MLLT1: variants seen among roughly 807,000 people sequenced by gnomAD.
MLLT1 encodes the protein protein ENL.
A neutral mutation model predicts 55.1 loss-of-function variants in MLLT1; 11 were observed. The ratio of observed to expected loss-of-function variants is 0.20; its 90% CI spans 0.13 to 0.33. The LOEUF is 0.33. Among genes scored for constraint, MLLT1 ranks in the 10% least tolerant of loss-of-function variants. The probability of loss-of-function intolerance (pLI) is 1.00; values close to 1 mark genes in which losing one functional copy is unlikely to be tolerated. For synonymous variants in MLLT1, 323 were observed against 320.1 expected, an observed-to-expected ratio of 1.01 and a Z score of -0.10; for missense variants, 536 against 760.6, an observed-to-expected ratio of 0.70 and a Z score of 3.47.
chr19:6,212,268 C>T lies in MLLT1; in HGVS notation c.*774G>A, dbSNP rs549158045. 118 of 1,065,414 alleles carry T rather than the reference C, an allele frequency of 1.1e-4. No homozygotes were observed. Among genetic ancestry groups the T allele is most frequent in the Admixed American group, 1.6e-4 (3 of 18,726 alleles). 66.0% of individuals were successfully genotyped at this position (1,065,414 alleles called of 1,614,324 possible). A position where few individuals can be genotyped will look rare whatever the true frequency, so the allele number is the denominator to read the frequency against. On this transcript the variant is annotated 3_prime_UTR_variant, in exon 12 of 12. Transcript: ENST00000252674. ...TGTTGGCTGACCCCCCCGGGAGCCCCGGTAGGAGGCGGCGGCATCCTTGGA... is the reference window on the plus strand; with the variant it reads ...TGTTGGCTGACCCCCCCGGGAGCCCTGGTAGGAGGCGGCGGCATCCTTGGA...
At chr19:6,266,544 C>T (rs755323395) in intron 2 of MLLT1, among the ~76,000 whole-genome samples, 2 of 152,164 alleles carry the variant, frequency 1.3e-5, no homozygotes, top group African/African-American at 2.4e-5. Flanking sequence ...GCAACCTCTG[C>T]CTCCCAGGTT....
rs1282945179 is a variant in MLLT1 at position 6,212,153 on chromosome 19, G to C, written c.*889C>G. On this transcript the variant is annotated 3_prime_UTR_variant, in exon 12 of 12. Coordinates refer to ENST00000252674, the MANE Select transcript of MLLT1 (RefSeq NM_005934.4). ...GCCCCAGGGCGGCTGATGCGAGTCT[G>C]TCCGCGGAGACTGTTGGCGCTAGTC... 10 of 1,066,440 alleles carry C rather than the reference G, an allele frequency of 9.4e-6. No homozygotes were observed. The Admixed American group carries it at 3.2e-4, about 34-fold the overall frequency. The allele number at this position is 1,066,440 out of a possible 1,614,324, so 66.1% of individuals were successfully genotyped here.
Position 6,231,518 on chromosome 19 carries a change from A to AT in MLLT1, c.277-806dup, listed in dbSNP as rs960172823. On this transcript the variant is annotated intron_variant, in intron 3 of 11. Transcript: ENST00000252674. This position sits in a 1 kb window ranked among gnomAD's most constrained non-coding sequence, Gnocchi z 5.1. ...GAACCTTGAAATTTCGAAGCAAGAC[A>AT]TTTTTTTTTTTGAGATGGAGTCTTG... 2.6e-3 allele frequency among the ~76,000 whole-genome samples: 375 copies of AT among 146,846 alleles called. 3 individuals are homozygous for AT. The highest frequency in any genetic ancestry group is 8.2e-3 in the African/African-American group (330 of 40,206).
rs553339296 is a variant in MLLT1, at chr19:6,227,762, G to C, written c.421-660C>G. ...CGCTCCATCAGAGGCTACGGATGAC[G>C]AAAGTTCTGGGGTCCTTCCAGGAGG... On this transcript the variant is annotated intron_variant, in intron 4 of 11. Coordinates refer to ENST00000252674, the MANE Select transcript of MLLT1 (RefSeq NM_005934.4). This position sits in a 1 kb window ranked among gnomAD's most constrained non-coding sequence, Gnocchi z 5.1. Among the ~76,000 whole-genome samples the C allele has an allele frequency of 6.6e-6, 1 of 152,302 alleles. No homozygotes were observed. The highest frequency in any genetic ancestry group is 2.4e-5 in the African/African-American group (1 of 41,564).
In MLLT1 at chr19:6,247,104, G is replaced by C. The variant is rs111544051; in HGVS notation, c.276+15124C>G. Among the ~76,000 whole-genome samples, 402 of 152,304 alleles carry C rather than the reference G, an allele frequency of 2.6e-3. 1 individual carries two copies. Among genetic ancestry groups the C allele is most frequent in the African/African-American group, 9.2e-3 (383 of 41,552 alleles). ...GGGGAAGGCGTGAATGAGCCCGCTGGTGCTGGATGGAGTTGGCAGCCTCAG... is the reference window on the plus strand; with the variant it reads ...GGGGAAGGCGTGAATGAGCCCGCTGCTGCTGGATGGAGTTGGCAGCCTCAG... On this transcript the variant is annotated intron_variant, in intron 3 of 11. Transcript: ENST00000252674.
rs1384443646 is a variant in MLLT1, at chr19:6,273,784, T to C, written c.13-3025A>G. ...GGAGCTGACTCCCACACAATGACAG[T>C]GTCTCCTCGGAATCGCTTATTCACT... On this transcript the variant is annotated intron_variant, in intron 1 of 11. Coordinates refer to ENST00000252674, the MANE Select transcript of MLLT1 (RefSeq NM_005934.4). The surrounding 1 kb of genome is among the most constrained non-coding windows in gnomAD (Gnocchi z 4.3). Among the ~76,000 whole-genome samples, 2 of 152,206 alleles carry C rather than the reference T, an allele frequency of 1.3e-5. No homozygotes were observed. The highest frequency in any genetic ancestry group is 2.9e-5 in the Non-Finnish European group (2 of 68,030).
chr19:6,251,173 G>A (rs894722399), intron 3 of MLLT1, among the ~76,000 whole-genome samples: 9 of 152,094 alleles, frequency 5.9e-5, no homozygotes, highest in African/African-American at 1.4e-4. Context: ...AGAAGGAGAC[G>A]GCAGTAGTAC....
Position 6,240,149 on chromosome 19 carries a change from G to A in MLLT1, c.277-9436C>T, listed in dbSNP as rs1287114751. 6.6e-6 allele frequency among the ~76,000 whole-genome samples: 1 copy of A among 152,130 alleles called. No homozygotes were observed. The highest frequency in any genetic ancestry group is 1.9e-4 in the East Asian group (1 of 5,180). On this transcript the variant is annotated intron_variant, in intron 3 of 11. Coordinates refer to ENST00000252674, the MANE Select transcript of MLLT1 (RefSeq NM_005934.4). This position sits in a 1 kb window ranked among gnomAD's most constrained non-coding sequence, Gnocchi z 4.7. ...TGCCTCTGGCTGGGAGGACAGTGTG[G>A]GCAGCATTAGCCCAGGCCCCTTCAC...
Position 6,222,637 on chromosome 19 carries a change from G to A in MLLT1, c.594C>T (p.Thr198=). 1 of 1,583,488 alleles carries A rather than the reference G, an allele frequency of 6.3e-7. No individual in the cohort carries two copies. ...SSKTSKPHKV[T]KEHRERPRKD... ...TGCGGGGCCGCTCCCGGTGCTCCTT[G>A]GTCACCTTGTGTGGCTTGGAGGTCT... Residue 198 remains threonine (T), a synonymous_variant, in exon 6 of 12, where the codon ACC becomes ACT. Coordinates refer to ENST00000252674, the MANE Select transcript of MLLT1 (RefSeq NM_005934.4). This position sits in a 1 kb window ranked among gnomAD's most constrained non-coding sequence, Gnocchi z 4.1.
rs2091056571 is a variant in MLLT1, at chr19:6,235,904, C to T, written c.277-5191G>A. Among the ~76,000 whole-genome samples, 1 of 152,138 alleles carries T rather than the reference C, an allele frequency of 6.6e-6. No homozygotes were observed. Among genetic ancestry groups the T allele is most frequent in the Non-Finnish European group, 1.5e-5 (1 of 68,016 alleles). ...CACCCGCCCTTATCCCGGCCTGCTG[C>T]TGTCCCCAGGCACAGAGCACAGCTC... On this transcript the variant is annotated intron_variant, in intron 3 of 11. Transcript: ENST00000252674. This position sits in a 1 kb window ranked among gnomAD's most constrained non-coding sequence, Gnocchi z 5.5.
At chr19:6,225,153 C>T (rs980158697) in intron 5 of MLLT1, among the ~76,000 whole-genome samples, 2 of 152,360 alleles carry the variant, frequency 1.3e-5, no homozygotes, top group African/African-American at 2.4e-5. Context: ...GTGAGAGGGT[C>T]CTGCCCCCTC....
At chr19:6,259,497 C>T (rs535286241) in intron 3 of MLLT1, 3 of 152,300 alleles carry the variant, frequency 2.0e-5, no homozygotes, top group African/African-American at 4.8e-5. Context: ...CCAAGTGACT[C>T]GGGATCCAGG....
At chr19:6,254,586 A>C (rs750377660) in intron 3 of MLLT1, among the ~76,000 whole-genome samples, 1 of 152,002 alleles carries the variant, frequency 6.6e-6, no homozygotes, top group Non-Finnish European at 1.5e-5. Context: ...CAACTGCAGG[A>C]CCCCCAAGTG....
rs972577483 is a variant in MLLT1, at chr19:6,241,791, G to A, written c.277-11078C>T. 6.6e-5 allele frequency among the ~76,000 whole-genome samples: 10 copies of A among 152,354 alleles called. 1 individual carries two copies. Among genetic ancestry groups the A allele is most frequent in the African/African-American group, 2.2e-4 (9 of 41,596 alleles). Reference sequence around the variant, plus strand: ...GGGAAAGACAGACTGCGCCACAGCTGGCACGCATCCATGCGGCTTGTCACA... The same window carrying A: ...GGGAAAGACAGACTGCGCCACAGCTAGCACGCATCCATGCGGCTTGTCACA... On this transcript the variant is annotated intron_variant, in intron 3 of 11. Coordinates refer to ENST00000252674, the MANE Select transcript of MLLT1 (RefSeq NM_005934.4).
At position 6,262,194 on chromosome 19, in the gene MLLT1, G is replaced by C. The variant is rs948299956; in HGVS notation, c.276+34C>G. On this transcript the variant is annotated intron_variant, in intron 3 of 11. Transcript: ENST00000252674. This position sits in a 1 kb window ranked among gnomAD's most constrained non-coding sequence, Gnocchi z 4.4. ...CACCCGGAGCAGGGGTCCCCACAGA[G>C]AGGCATCCTGCTTGCTCCCCTCAGG... 6.3e-7 allele frequency: 1 copy of C among 1,577,730 alleles called. No homozygotes were observed. Among genetic ancestry groups the C allele is most frequent in the African/African-American group, 1.3e-5 (1 of 74,154 alleles).
chr19:6,254,016 C>T (rs1261617027), intron 3 of MLLT1, among the ~76,000 whole-genome samples: 8 of 152,166 alleles, frequency 5.3e-5, no homozygotes, highest in Admixed American at 4.6e-4. Flanking sequence ...AGCATCTTTT[C>T]GTTCGTTCAT....
chr19:6,251,778 AAAAAG>A (rs1348644961), intron 3 of MLLT1, among the ~76,000 whole-genome samples: 7 of 151,418 alleles, frequency 4.6e-5, no homozygotes, highest in African/African-American at 1.7e-4. Flanking sequence ...CCAAAAAAAA[AAAAAG>A]AAAGAAAGAA....
intron 1 of MLLT1, among the ~76,000 whole-genome samples, chr19:6,278,330 C>T (rs146183837): frequency 1.1e-4 from 16 of 152,238 alleles, no homozygotes; most frequent in Admixed American, 5.9e-4. Context: ...GAAGAGGCAG[C>T]GCAGAGTTGG....
At chr19:6,272,758 C>CT (rs1275813748) in intron 1 of MLLT1, among the ~76,000 whole-genome samples, 2 of 152,204 alleles carry the variant, frequency 1.3e-5, no homozygotes, top group African/African-American at 2.4e-5. Flanking sequence ...CTAAATGCTG[C>CT]TTTTGGAGAC....
Sources: gnomAD v4.1 joint callset for allele counts (sites outside exome capture counted in the v4.1 genomes callset) on GRCh38, gnomAD v4.1.1 for gene constraint, Gnocchi (gnomAD v3.1) non-coding constraint, MANE v1.5 for transcripts, NCBI Gene and HGNC (gene_info 2026-07-23, HGNC 2026-07-21) for gene names.